Variants in CFAP69 observed in about 807,000 individuals in gnomAD.
CFAP69 encodes cilia- and flagella-associated protein 69.
Under a neutral mutation model 123.0 loss-of-function variants are expected in CFAP69, and 92 were observed. The observed-to-expected ratio is 0.75, with a 90% CI of 0.63 to 0.89. The LOEUF is 0.89. CFAP69 is among the 40% of genes least tolerant of loss of function. CFAP69 has a pLI of 0.00. For missense variants in CFAP69, 1,067 were observed against 1,096.9 expected, an observed-to-expected ratio of 0.97 and a Z score of 0.39; for synonymous variants, 380 against 364.3, an observed-to-expected ratio of 1.04 and a Z score of -0.49.
In CFAP69 at chr7:90,277,067, T is replaced by C. The variant is rs1788724357; in HGVS notation, c.985-6T>C. Reference sequence around the variant, plus strand: ...TCTTTCTGCTTATTTTATGTATTTATATTAGGAATGTGGCTTTACCAAGGA... The same window carrying C: ...TCTTTCTGCTTATTTTATGTATTTACATTAGGAATGTGGCTTTACCAAGGA... On this transcript the variant is annotated splice_region_variant and splice_polypyrimidine_tract_variant and intron_variant, in intron 9 of 22. Coordinates refer to ENST00000389297, the MANE Select transcript of CFAP69 (RefSeq NM_001039706.3). The C allele has an allele frequency of 6.5e-7, 1 of 1,549,102 alleles. No individual in the cohort carries two copies. Among genetic ancestry groups the C allele is most frequent in the South Asian group, 1.2e-5 (1 of 82,566 alleles).
chr7:90,264,385 A>G (rs1430318140), intron 4 of CFAP69, among the ~76,000 whole-genome samples: 4 of 151,922 alleles, frequency 2.6e-5, no homozygotes, highest in Admixed American at 1.3e-4. Context: ...AATATAATTA[A>G]TATTTGTTAA....
chr7:90,251,948 A>G (rs1219607928), intron 1 of CFAP69: 1 of 152,208 alleles, frequency 6.6e-6, no homozygotes, highest in Non-Finnish European at 1.5e-5. Flanking sequence ...AGTGCTCTTT[A>G]CAGCTAATTG....
intron 21 of CFAP69, 23 bp downstream of exon 21, chr7:90,307,877 GTAT>G: frequency 6.7e-7 from 1 of 1,485,324 alleles, no homozygotes; most frequent in South Asian, 1.2e-5. Flanking sequence ...ATGTATTATA[GTAT>G]CCACAACAAA....
downstream of CFAP69, among the ~76,000 whole-genome samples, chr7:90,311,612 C>T (rs541009548): frequency 1.2e-3 from 184 of 152,266 alleles, no homozygotes; most frequent in Non-Finnish European, 2.1e-3. Flanking sequence ...TCCTCCTCCT[C>T]CTCTTCCTCC....
At chr7:90,274,783 T>C (rs1202021610) in intron 9 of CFAP69, among the ~76,000 whole-genome samples, 2 of 152,338 alleles carry the variant, frequency 1.3e-5, no homozygotes, top group Non-Finnish European at 2.9e-5. Context: ...TTCGAAATGA[T>C]GTGCTAAGGT....
chr7:90,251,077 C>T lies in CFAP69; in HGVS notation c.121-4346C>T, dbSNP rs144855437. Among the ~76,000 whole-genome samples, 26 of 152,188 alleles carry T rather than the reference C, an allele frequency of 1.7e-4. No homozygotes were observed. The East Asian group carries it at 4.8e-3, about 28-fold the overall frequency. On this transcript the variant is annotated intron_variant, in intron 1 of 22. Transcript: ENST00000389297. ...CCAGTCTACCTCCAAATCAGTCTCA[C>T]ACAGCATACAAGATGATCTTTTCAT...
At chr7:90,293,594 C>A (rs1301703404) in intron 15 of CFAP69, among the ~76,000 whole-genome samples, 1 of 152,174 alleles carries the variant, frequency 6.6e-6, no homozygotes, top group Non-Finnish European at 1.5e-5. Flanking sequence ...AATCCACATT[C>A]CCATGACTTC....
At chr7:90,286,190 TA>T in intron 13 of CFAP69, 90 bp from the exon 14 acceptor site, 1 of 1,094,936 alleles carries the variant, frequency 9.1e-7, no homozygotes, top group East Asian at 2.6e-5. Flanking sequence ...TCTAGCCAAA[TA>T]AACTTTTTAG....
intron 5 of CFAP69, among the ~76,000 whole-genome samples, chr7:90,266,659 T>C (rs1308972297): frequency 6.6e-6 from 1 of 152,188 alleles, no homozygotes; most frequent in Non-Finnish European, 1.5e-5. Context: ...TACTATCTCA[T>C]ATGACAACAG....
At chr7:90,279,376 T>C (rs1789088777) in intron 11 of CFAP69, among the ~76,000 whole-genome samples, 1 of 152,192 alleles carries the variant, frequency 6.6e-6, no homozygotes, top group Non-Finnish European at 1.5e-5. Flanking sequence ...TTATTATACG[T>C]TAAAATATCC....
intron 3 of CFAP69, 39 bp from the exon 4 acceptor site, chr7:90,261,908 A>G: frequency 9.2e-7 from 1 of 1,089,578 alleles, no homozygotes; most frequent in Non-Finnish European, 1.3e-6. Context: ...TAATAAAGAT[A>G]TTAATCTGAA....
chr7:90,269,283 C>A (rs2116882034), intron 6 of CFAP69, among the ~76,000 whole-genome samples: 1 of 152,120 alleles, frequency 6.6e-6, no homozygotes, highest in East Asian at 1.9e-4. Context: ...ACCAGAAATA[C>A]AGGTTTGGAA....
At chr7:90,247,291 C>T (rs1356625331) in intron 1 of CFAP69, among the ~76,000 whole-genome samples, 1 of 152,172 alleles carries the variant, frequency 6.6e-6, no homozygotes, top group East Asian at 1.9e-4. Context: ...ACCTTTTAGG[C>T]CTCTGCCTTA....
chr7:90,319,812 G>C, the CFAP69 span: 1 of 397,758 alleles, frequency 2.5e-6, no homozygotes, highest in African/African-American at 2.1e-5. Flanking sequence ...TCAATCACTT[G>C]ATCTAAAAAA....
chr7:90,313,517 CA>C (rs1794503456), downstream of CFAP69, among the ~76,000 whole-genome samples: 1 of 152,130 alleles, frequency 6.6e-6, no homozygotes, highest in Non-Finnish European at 1.5e-5. Flanking sequence ...TAAAATGAGC[CA>C]GGGCTTCTTG....
At chr7:90,276,647 ATGGTTGGG>A (rs1788656651) in intron 9 of CFAP69, among the ~76,000 whole-genome samples, 1 of 152,202 alleles carries the variant, frequency 6.6e-6, no homozygotes, top group Non-Finnish European at 1.5e-5. Flanking sequence ...CATAACAAGA[ATGGTTGGG>A]GTAGAAGTGG....
intron 1 of CFAP69, chr7:90,251,809 A>G (rs886850860): frequency 2.6e-5 from 4 of 152,264 alleles, no homozygotes; most frequent in African/African-American, 9.6e-5. Context: ...TAAATCTAAG[A>G]GGAATCTATG....
At chr7:90,266,271 G>T (rs1799149481) in intron 5 of CFAP69, 1 of 151,908 alleles carries the variant, frequency 6.6e-6, no homozygotes, top group Non-Finnish European at 1.5e-5. Flanking sequence ...ACTACCTAGG[G>T]TTCACCTACT....
Position 90,303,895 on chromosome 7 carries a change from A to G in CFAP69, c.2051-74A>G. The G allele has an allele frequency of 2.8e-6, 4 of 1,419,910 alleles. No individual in the cohort carries two copies. The South Asian group carries it at 4.6e-5, about 16-fold the overall frequency. 88.0% of individuals were successfully genotyped at this position (1,419,910 alleles called of 1,614,324 possible). On this transcript the variant is annotated intron_variant, in intron 17 of 22. Coordinates refer to ENST00000389297, the MANE Select transcript of CFAP69 (RefSeq NM_001039706.3). ...TATATTTTATGTTATCTAGACTAAAATCTCAAAATTAAGTATTTGTTTACT... is the reference window on the plus strand; with the variant it reads ...TATATTTTATGTTATCTAGACTAAAGTCTCAAAATTAAGTATTTGTTTACT...
Sources: gnomAD v4.1 joint callset for allele counts (sites outside exome capture counted in the v4.1 genomes callset) on GRCh38, gnomAD v4.1.1 for gene constraint, MANE v1.5 for transcripts, NCBI Gene and HGNC (gene_info 2026-07-23, HGNC 2026-07-21) for gene names.